The following CLCN3 variants were observed in gnomAD, a reference collection of about 807,000 sequenced individuals.
The protein encoded by CLCN3 is H(+)/Cl(-) exchange transporter 3.
Under a neutral mutation model 83.4 loss-of-function variants are expected in CLCN3, and 16 were observed. The observed-to-expected ratio is 0.19, with a 90% CI of 0.13 to 0.29. The LOEUF (loss-of-function observed/expected upper bound fraction) is 0.29. Ranked by LOEUF, CLCN3 falls within the 10% of genes least tolerant of loss-of-function variation. The pLI is 1.00. For synonymous variants in CLCN3, 322 were observed against 346.2 expected (o/e 0.93, Z 0.78); for missense variants, 544 against 1,006.0 (o/e 0.54, Z 6.21).
chr4:169,681,741 A>G (rs1731948019), intron 3 of CLCN3, among the ~76,000 whole-genome samples: 1 of 152,236 alleles, frequency 6.6e-6, no homozygotes, highest in African/African-American at 2.4e-5. Flanking sequence ...TAACAGTAAC[A>G]AAACCCATTA....
chr4:169,702,795 A>AAAAAAG, intron 9 of CLCN3: 1 of 300,926 alleles, frequency 3.3e-6, no homozygotes, highest in Non-Finnish European at 6.7e-6. Context: ...AAAAAAAAAA[A>AAAAAAG]AAGAAAGCCA....
At chr4:169,703,889 A>G in intron 9 of CLCN3, 109 bp from the exon 10 acceptor site, 3 of 1,079,468 alleles carry the variant, frequency 2.8e-6, no homozygotes, top group Non-Finnish European at 4.1e-6. Context: ...TGCTATATTA[A>G]TACAATGTGA....
chr4:169,622,151 C>A (rs1773126551), intron 1 of CLCN3, among the ~76,000 whole-genome samples: 1 of 152,198 alleles, frequency 6.6e-6, no homozygotes, highest in African/African-American at 2.4e-5. Context: ...AATGATGAGT[C>A]ACATTATTTT....
intron 2 of CLCN3, among the ~76,000 whole-genome samples, chr4:169,667,033 A>G (rs942356583): frequency 6.6e-6 from 1 of 151,936 alleles, no homozygotes; most frequent in Admixed American, 6.6e-5. Context: ...CAGTTTATCT[A>G]TTTTTTTTAT....
intron 2 of CLCN3, among the ~76,000 whole-genome samples, chr4:169,651,546 C>T (rs772825265): frequency 9.9e-5 from 15 of 152,122 alleles, no homozygotes; most frequent in Non-Finnish European, 1.5e-4. Flanking sequence ...TGCATATCAC[C>T]TACACACATC....
intron 8 of CLCN3, 85 bp from the exon 9 acceptor site, chr4:169,697,104 G>A (rs1345725089): frequency 2.1e-6 from 2 of 969,818 alleles, no homozygotes; most frequent in East Asian, 2.7e-5. Context: ...TTAGAGCTAG[G>A]ATATTTACCA....
At chr4:169,678,509 C>T (rs1731771620) in intron 2 of CLCN3, among the ~76,000 whole-genome samples, 1 of 152,048 alleles carries the variant, frequency 6.6e-6, no homozygotes, top group Non-Finnish European at 1.5e-5. Context: ...GAGGGAAGGT[C>T]AGCAGATAAA....
At position 169,663,762 on chromosome 4, in the gene CLCN3, G is replaced by A. The variant is rs368042453; in HGVS notation, c.161-16288G>A. 2.2e-3 allele frequency: 607 copies of A among 273,960 alleles called. 10 individuals are homozygous for A. The highest frequency in any genetic ancestry group is 0.017 in the South Asian group (592 of 35,334). 17.0% of individuals were successfully genotyped at this position (273,960 alleles called of 1,614,324 possible). A position where few individuals can be genotyped will look rare whatever the true frequency, so the allele number is the denominator to read the frequency against. On this transcript the variant is annotated intron_variant, in intron 2 of 12. Coordinates refer to ENST00000513761, the MANE Select transcript of CLCN3 (RefSeq NM_001829.4). ...TGAGGTAAGGAATTGTTAAGGAAAAGTCAGAATTCCATCCAGATATTTGGC... is the reference window on the plus strand; with the variant it reads ...TGAGGTAAGGAATTGTTAAGGAAAAATCAGAATTCCATCCAGATATTTGGC...
chr4:169,649,578 G>C (rs1030132644), intron 2 of CLCN3, among the ~76,000 whole-genome samples: 1 of 152,190 alleles, frequency 6.6e-6, no homozygotes, highest in Non-Finnish European at 1.5e-5. Context: ...TGTAGAATGA[G>C]GGAGTATAAG....
intron 2 of CLCN3, among the ~76,000 whole-genome samples, chr4:169,645,995 C>T (rs536894227): frequency 6.6e-6 from 1 of 151,998 alleles, no homozygotes; most frequent in African/African-American, 2.4e-5. Flanking sequence ...ATTTATTTTC[C>T]TATGTACATA....
chr4:169,707,270 C>T lies in CLCN3; in HGVS notation c.2149+4C>T. The T allele has an allele frequency of 1.3e-6, 2 of 1,576,462 alleles. No individual in the cohort carries two copies. The highest frequency in any genetic ancestry group is 1.7e-6 in the Non-Finnish European group (2 of 1,163,462). On this transcript the variant is annotated splice_donor_region_variant and intron_variant, in intron 11 of 12. Coordinates refer to ENST00000513761, the MANE Select transcript of CLCN3 (RefSeq NM_001829.4). ...AGAGACCTGACAATTGCAATAGGTACCCTTTCAAAAATATATATATGTATA... is the reference window on the plus strand; with the variant it reads ...AGAGACCTGACAATTGCAATAGGTATCCTTTCAAAAATATATATATGTATA...
chr4:169,705,880 G>A (rs2150265764), intron 10 of CLCN3, among the ~76,000 whole-genome samples: 1 of 152,124 alleles, frequency 6.6e-6, no homozygotes, highest in Admixed American at 6.5e-5. Context: ...TATAATTAAG[G>A]AATAGCCAGG....
At chr4:169,718,261 T>TG (rs1165937997) in intron 12 of CLCN3, among the ~76,000 whole-genome samples, 7 of 152,062 alleles carry the variant, frequency 4.6e-5, no homozygotes, top group African/African-American at 1.7e-4. Context: ...AGCCCTTTTT[T>TG]TTTTTTTTAA....
rs1467876671 is a variant in CLCN3, at chr4:169,721,245, A to T, written c.*1248A>T. The T allele has an allele frequency of 1.3e-5, 2 of 152,184 alleles. No individual in the cohort carries two copies. Among genetic ancestry groups the T allele is most frequent in the Non-Finnish European group, 2.9e-5 (2 of 68,032 alleles). The allele number at this position is 152,184 out of a possible 1,614,324, so 9.4% of individuals were successfully genotyped here. On this transcript the variant is annotated 3_prime_UTR_variant, in exon 13 of 13. Transcript: ENST00000513761. ...GTTAATATTGCACTTAAGTAATTTTACCTTTTTAATGTGATTTTTATAGAA... is the reference window on the plus strand; with the variant it reads ...GTTAATATTGCACTTAAGTAATTTTTCCTTTTTAATGTGATTTTTATAGAA...
chr4:169,681,048 T>A (rs1189203463), intron 3 of CLCN3, among the ~76,000 whole-genome samples: 5 of 150,096 alleles, frequency 3.3e-5, no homozygotes, highest in Non-Finnish European at 7.4e-5. Context: ...TAAAAAACAA[T>A]TTTTTTTTTG....
At chr4:169,661,494 A>G (rs1468718993) in intron 2 of CLCN3, among the ~76,000 whole-genome samples, 4 of 152,072 alleles carry the variant, frequency 2.6e-5, no homozygotes, top group Non-Finnish European at 4.4e-5. Flanking sequence ...AAACATTATA[A>G]TGTATTCAAC....
At chr4:169,673,352 G>A (rs1731550672) in intron 2 of CLCN3, among the ~76,000 whole-genome samples, 1 of 152,184 alleles carries the variant, frequency 6.6e-6, no homozygotes, top group Admixed American at 6.5e-5. Context: ...CAAGACACAT[G>A]CCTAATGTAA....
At chr4:169,697,121 TTATAA>T (rs1732593569) in intron 8 of CLCN3, 63 bp from the exon 9 acceptor site, 2 of 1,171,960 alleles carry the variant, frequency 1.7e-6, no homozygotes, top group Non-Finnish European at 2.4e-6. Context: ...ACCATTCAAG[TTATAA>T]TATATCAGAA....
chr4:169,704,287 T>C (rs780262970), intron 10 of CLCN3, 103 bp downstream of exon 10: 59 of 1,010,948 alleles, frequency 5.8e-5, no homozygotes, highest in Non-Finnish European at 7.8e-5. Context: ...ATTGGTTGAG[T>C]AAAGGAGGGT....
Sources: allele counts gnomAD v4.1 joint callset (sites outside exome capture counted in the v4.1 genomes callset), GRCh38; gene constraint gnomAD v4.1.1; transcripts MANE v1.5; gene names NCBI Gene and HGNC (gene_info 2026-07-23, HGNC 2026-07-21).